The following PVR variants were observed in gnomAD, a reference collection of about 807,000 sequenced individuals.
PVR encodes the protein poliovirus receptor.
A neutral mutation model predicts 43.3 loss-of-function variants in PVR; 39 were observed. The ratio of observed to expected loss-of-function variants is 0.90; its 90% CI spans 0.70 to 1.18. The LOEUF is 1.18. Ranked by LOEUF, PVR falls within the 50% of genes most tolerant of loss-of-function variation. The pLI, the probability that PVR is intolerant of heterozygous loss-of-function variation, is 0.00. For missense variants in PVR, 480 were observed against 549.7 expected (o/e 0.87, Z 1.27); for synonymous variants, 224 against 233.2 (o/e 0.96, Z 0.36).
At chr19:44,654,118 G>T in intron 4 of PVR, 101 bp downstream of exon 4, 2 of 1,003,540 alleles carry the variant, frequency 2.0e-6, no homozygotes, top group Non-Finnish European at 3.0e-6. Flanking sequence ...AGGGAGAAGG[G>T]GCTGGGGGCC....
intron 1 of PVR, among the ~76,000 whole-genome samples, chr19:44,645,622 AT>A (rs1484903117): frequency 6.7e-6 from 1 of 149,550 alleles, no homozygotes; most frequent in Non-Finnish European, 1.5e-5. Flanking sequence ...CACCTGGCTA[AT>A]TTTTTTTGTA....
rs942538247 is a variant in PVR, at chr19:44,661,328, G to A, written c.1182+5G>A. 6 of 1,613,900 alleles carry A rather than the reference G, an allele frequency of 3.7e-6. No homozygotes were observed. The highest frequency in any genetic ancestry group is 2.7e-5 in the African/African-American group (2 of 75,048). ...GCCAGCGCCTCAGCTAATGGGGTAA[G>A]TGCAGTGTTGGAGCTAAGGAGGGTG... On this transcript the variant is annotated splice_donor_5th_base_variant and intron_variant, in intron 7 of 7. Transcript: ENST00000425690.
intron 2 of PVR, among the ~76,000 whole-genome samples, chr19:44,649,605 T>C (rs1336703443): frequency 2.0e-5 from 3 of 151,914 alleles, no homozygotes; most frequent in African/African-American, 4.8e-5. Flanking sequence ...TAATTTTTAA[T>C]AGAGACAGTT....
At chr19:44,648,819 T>G (rs1973200978) in intron 2 of PVR, among the ~76,000 whole-genome samples, 1 of 152,196 alleles carries the variant, frequency 6.6e-6, no homozygotes, top group African/African-American at 2.4e-5. Context: ...AGCCTGGGAT[T>G]CTGGGTATCA....
chr19:44,649,607 G>A (rs1231014114), intron 2 of PVR, among the ~76,000 whole-genome samples: 1 of 151,808 alleles, frequency 6.6e-6, no homozygotes, highest in Non-Finnish European at 1.5e-5. Context: ...ATTTTTAATA[G>A]AGACAGTTTC....
chr19:44,658,953 G>A, intron 6 of PVR, 53 bp downstream of exon 6: 1 of 1,554,710 alleles, frequency 6.4e-7, no homozygotes, highest in Non-Finnish European at 8.8e-7. Context: ...GCTCTGTGCT[G>A]AGTCCTTCCA....
chr19:44,645,111 A>AAT (rs1393314125), intron 1 of PVR, among the ~76,000 whole-genome samples: 1 of 91,268 alleles, frequency 1.1e-5, no homozygotes, highest in Non-Finnish European at 1.9e-5. Context: ...ATATTATAGT[A>AAT]ATATATAATA....
chr19:44,645,542 C>T (rs1410695691), intron 1 of PVR, among the ~76,000 whole-genome samples: 2 of 148,438 alleles, frequency 1.3e-5, no homozygotes, highest in Admixed American at 1.4e-4. Context: ...CGGCTCATTG[C>T]AAACTCGACT....
At position 44,658,800 on chromosome 19, in the gene PVR, G is replaced by A; in HGVS notation, c.1050G>A (p.Leu350=). 5.6e-6 allele frequency: 9 copies of A among 1,613,394 alleles called. No homozygotes were observed. The highest frequency in any genetic ancestry group is 7.6e-6 in the Non-Finnish European group (9 of 1,179,330). ...MSRNAIIFLV[L]GILVFLILLG... ...GTAACGCCATCATCTTCCTGGTTCT[G>A]GGAATCCTGGTTTTTCTGATCCTGC... Residue 350 remains leucine (L), a synonymous_variant, in exon 6 of 8, where the codon CTG becomes CTA. Transcript: ENST00000425690.
chr19:44,657,904 G>A lies in PVR; in HGVS notation c.985G>A (p.Val329Ile). 1 of 1,613,330 alleles carries A rather than the reference G, an allele frequency of 6.2e-7. No individual in the cohort carries two copies. Among genetic ancestry groups the A allele is most frequent in the South Asian group, 1.1e-5 (1 of 91,036 alleles). ...TCGCCAGGCAGAACTGACCGTCCAG[G>A]TCAAAGGTGAGGAACTCCCTGGGTG... ...GARQAELTVQ[V>I]KEGPPSEHSG... The change falls in exon 5 of 8, where the codon GTC becomes ATC. Residue 329 changes from valine (V) to isoleucine (I), a missense_variant. Coordinates refer to ENST00000425690, the MANE Select transcript of PVR (RefSeq NM_006505.5).
rs1298856437 is a variant in PVR, at chr19:44,665,601, T to C, written c.*3790T>C. ...GTAAACCATGATCGAGTTACTGCAC[T>C]CCAGCCTGGGTGACAAGAGTGAGAC... On this transcript the variant is annotated 3_prime_UTR_variant, in exon 8 of 8. Coordinates refer to ENST00000425690, the MANE Select transcript of PVR (RefSeq NM_006505.5). 8.2e-6 allele frequency: 1 copy of C among 122,258 alleles called. No individual in the cohort carries two copies. The highest frequency in any genetic ancestry group is 3.3e-5 in the African/African-American group (1 of 30,374). The allele number at this position is 122,258 out of a possible 1,614,324, so 7.6% of individuals were successfully genotyped here. A position where few individuals can be genotyped will look rare whatever the true frequency, so the allele number is the denominator to read the frequency against.
At position 44,643,910 on chromosome 19, in the gene PVR, A is replaced by C; in HGVS notation, c.-187A>C. The C allele has an allele frequency of 2.3e-6, 1 of 429,190 alleles. No individual in the cohort carries two copies. The highest frequency in any genetic ancestry group is 4.1e-6 in the Non-Finnish European group (1 of 244,154). The allele number at this position is 429,190 out of a possible 1,614,324, so 26.6% of individuals were successfully genotyped here. On this transcript the variant is annotated 5_prime_UTR_variant, in exon 1 of 8. Coordinates refer to ENST00000425690, the MANE Select transcript of PVR (RefSeq NM_006505.5). ...CTGGCCGCCAACTCCCCTCCGCTCCAGTCACTTGTCTGGAGCTTGAAGAAG... is the reference window on the plus strand; with the variant it reads ...CTGGCCGCCAACTCCCCTCCGCTCCCGTCACTTGTCTGGAGCTTGAAGAAG...
chr19:44,644,275 G>T (rs1973012525), intron 1 of PVR, 100 bp downstream of exon 1: 2 of 889,748 alleles, frequency 2.2e-6, no homozygotes, highest in African/African-American at 1.8e-5. Flanking sequence ...TGACGGCCCC[G>T]CCCGGCGCCA....
intron 6 of PVR, 69 bp from the exon 7 acceptor site, chr19:44,661,223 C>T (rs1365352248): frequency 6.8e-7 from 1 of 1,462,748 alleles, no homozygotes; most frequent in Non-Finnish European, 9.6e-7. Context: ...CCCTGACACC[C>T]AGGCATGTCT....
chr19:44,650,487 C>A (rs1395236675), intron 3 of PVR, among the ~76,000 whole-genome samples: 1 of 151,896 alleles, frequency 6.6e-6, no homozygotes, highest in Non-Finnish European at 1.5e-5. Flanking sequence ...CATTGCTACA[C>A]TGGTTCTTCT....
Position 44,643,997 on chromosome 19 carries a change from G to T in PVR, c.-100G>T. The T allele has an allele frequency of 1.0e-6, 1 of 976,490 alleles. No individual in the cohort carries two copies. The highest frequency in any genetic ancestry group is 1.4e-6 in the Non-Finnish European group (1 of 689,706). The allele number at this position is 976,490 out of a possible 1,614,324, so 60.5% of individuals were successfully genotyped here. Reference sequence around the variant, plus strand: ...CGGCCCCCCGGGGATTCCAGGACCTGAGCTCCGGGAGCTGGACTCGCAGCG... The same window carrying T: ...CGGCCCCCCGGGGATTCCAGGACCTTAGCTCCGGGAGCTGGACTCGCAGCG... On this transcript the variant is annotated 5_prime_UTR_variant, in exon 1 of 8. Transcript: ENST00000425690.
intron 3 of PVR, among the ~76,000 whole-genome samples, chr19:44,651,115 G>A (rs945226461): frequency 5.3e-5 from 8 of 152,078 alleles, no homozygotes; most frequent in Non-Finnish European, 7.4e-5. Flanking sequence ...TGATCCTCCC[G>A]CCTCAGTCTC....
Position 44,653,883 on chromosome 19 carries a change from G to C in PVR, c.725-17G>C, listed in dbSNP as rs1447595621. 6.4e-7 allele frequency: 1 copy of C among 1,571,944 alleles called. No homozygotes were observed. The highest frequency in any genetic ancestry group is 8.8e-7 in the Non-Finnish European group (1 of 1,141,568). On this transcript the variant is annotated splice_polypyrimidine_tract_variant and intron_variant, in intron 3 of 7. Coordinates refer to ENST00000425690, the MANE Select transcript of PVR (RefSeq NM_006505.5). ...AAAGCCTCCCAGTCTCTGAACCTCTGTATCCATTTCCTGCAGACCCCCCAG... is the reference window on the plus strand; with the variant it reads ...AAAGCCTCCCAGTCTCTGAACCTCTCTATCCATTTCCTGCAGACCCCCCAG...
chr19:44,649,693 T>G, intron 2 of PVR, 116 bp from the exon 3 acceptor site: 1 of 1,136,598 alleles, frequency 8.8e-7, no homozygotes, highest in Non-Finnish European at 1.3e-6. Context: ...AGTTCTGGGA[T>G]TATAGGCGTG....
Sources: gnomAD v4.1 joint callset for allele counts (sites outside exome capture counted in the v4.1 genomes callset) on GRCh38, gnomAD v4.1.1 for gene constraint, MANE v1.5 for transcripts, NCBI Gene and HGNC (gene_info 2026-07-23, HGNC 2026-07-21) for gene names.